The following PCDH11X variants were observed in gnomAD, a reference collection of about 807,000 sequenced individuals.
The protein encoded by PCDH11X is protocadherin-11 X-linked.
PCDH11X carries 18 observed loss-of-function variants against 53.3 expected under a neutral mutation model. The ratio of observed to expected loss-of-function variants is 0.34; its 90% CI spans 0.23 to 0.50. The LOEUF (loss-of-function observed/expected upper bound fraction) is 0.50, where lower values mean the gene tolerates loss of function less well. Ranked by LOEUF, PCDH11X falls within the 20% of genes least tolerant of loss-of-function variation. The pLI is 0.98. For missense variants in PCDH11X, 570 were observed against 1,032.4 expected, an observed-to-expected ratio of 0.55 and a Z score of 6.14; for synonymous variants, 279 against 393.3, an observed-to-expected ratio of 0.71 and a Z score of 3.44.
At chrX:92,475,197 T>G (rs1301707542) in intron 10 of PCDH11X, among the ~76,000 whole-genome samples, 1 of 76,444 alleles carries the variant, frequency 1.3e-5, no homozygotes, top group Non-Finnish European at 2.4e-5. Context: ...AAAAAAAGAA[T>G]AGTTTACACA....
intron 6 of PCDH11X, among the ~76,000 whole-genome samples, chrX:92,124,175 A>G (rs1423088643): frequency 9.0e-6 from 1 of 111,027 alleles, no homozygotes; most frequent in African/African-American, 3.3e-5. Context: ...TGTGTCACAT[A>G]TTATAATTAA....
rs1170892808 is a variant in PCDH11X, at chrX:91,877,973, A to G, written c.1733A>G (p.Tyr578Cys). 4 of 1,209,695 alleles carry G rather than the reference A, an allele frequency of 3.3e-6. No individual in the cohort carries two copies. The highest frequency in any genetic ancestry group is 3.5e-5 in the African/African-American group (2 of 57,066). ...PVFTHNEYNF[Y>C]VPENLPRHGT... ...TTCACTCACAATGAATACAACTTCT[A>G]TGTCCCAGAAAACCTTCCAAGGCAT... The change falls in exon 6 of 11, where the codon TAT (tyrosine) becomes TGT (cysteine). Residue 578 changes from tyrosine to cysteine, a missense_variant. Coordinates refer to ENST00000682573, the MANE Select transcript of PCDH11X (RefSeq NM_032968.5).
intron 6 of PCDH11X, among the ~76,000 whole-genome samples, chrX:92,092,705 TA>T (rs2064068657): frequency 9.0e-6 from 1 of 111,495 alleles, no homozygotes; most frequent in Non-Finnish European, 1.9e-5. Flanking sequence ...AGCTAAGGGG[TA>T]TCTTCGAACA....
rs1222482324 is a variant in PCDH11X, at chrX:91,819,584, G to T, written c.-45+8289G>T. Among the ~76,000 whole-genome samples the T allele has an allele frequency of 1.1e-4, 12 of 108,729 alleles. No homozygotes were observed. In the Admixed American group the frequency reaches 1.2e-3, roughly 11 times the overall value. 94.4% of individuals were successfully genotyped at this position (108,729 alleles called of 115,157 possible). On this transcript the variant is annotated intron_variant, in intron 4 of 10. Transcript: ENST00000682573. ...GTAGTCATATATTCTTGGAGGAAAA[G>T]GTTTAAAACAAAAGAATTGGTGACC...
At chrX:92,563,554 A>G (rs1275966015) in intron 10 of PCDH11X, among the ~76,000 whole-genome samples, 1 of 111,695 alleles carries the variant, frequency 9.0e-6, no homozygotes, top group African/African-American at 3.3e-5. Context: ...TCACATATTT[A>G]AAGTACTGAA....
intron 10 of PCDH11X, among the ~76,000 whole-genome samples, chrX:92,575,345 TTTG>T (rs1332797243): frequency 1.8e-5 from 2 of 110,422 alleles, no homozygotes; most frequent in East Asian, 5.7e-4. Flanking sequence ...CCTTTCAGGA[TTTG>T]TTTTTAATTT....
At chrX:92,516,559 A>G (rs1339653151) in intron 10 of PCDH11X, among the ~76,000 whole-genome samples, 1 of 112,397 alleles carries the variant, frequency 8.9e-6, no homozygotes. Flanking sequence ...CTAGTAAAAA[A>G]TCAAATCCCA....
At chrX:91,869,977 G>A (rs1204450905) in intron 5 of PCDH11X, among the ~76,000 whole-genome samples, 1 of 111,712 alleles carries the variant, frequency 9.0e-6, no homozygotes, top group Non-Finnish European at 1.9e-5. Flanking sequence ...TTCCTCCTAG[G>A]ATGTTTACAG....
intron 10 of PCDH11X, among the ~76,000 whole-genome samples, chrX:92,507,134 G>A: frequency 9.1e-6 from 1 of 109,997 alleles, no homozygotes. Flanking sequence ...AGTCTAGCTA[G>A]TAATCCTTCA....
intron 8 of PCDH11X, among the ~76,000 whole-genome samples, chrX:92,263,829 CTAGT>C (rs975461078): frequency 8.9e-6 from 1 of 112,219 alleles, no homozygotes; most frequent in Non-Finnish European, 1.9e-5. Flanking sequence ...AATAACTTCA[CTAGT>C]TAAACTGTAC....
chrX:92,148,104 TTC>T (rs1491060547), intron 6 of PCDH11X, among the ~76,000 whole-genome samples: 25 of 21,313 alleles, frequency 1.2e-3, no homozygotes, highest in Non-Finnish European at 1.9e-3. Context: ...CTTTCTTTCT[TTC>T]TTTCTTTCTT....
At chrX:92,083,072 C>A (rs1206305331) in intron 6 of PCDH11X, among the ~76,000 whole-genome samples, 4 of 111,205 alleles carry the variant, frequency 3.6e-5, no homozygotes, top group Non-Finnish European at 7.5e-5. Context: ...GGTTGACAGC[C>A]TAGATCCTAT....
At chrX:92,292,593 T>C (rs980087011) in intron 8 of PCDH11X, among the ~76,000 whole-genome samples, 6 of 110,664 alleles carry the variant, frequency 5.4e-5, no homozygotes, top group Non-Finnish European at 1.1e-4. Flanking sequence ...AGAAGGAAAA[T>C]AAGAAAAGTC....
intron 5 of PCDH11X, among the ~76,000 whole-genome samples, chrX:91,869,761 T>G (rs1199754033): frequency 9.0e-6 from 1 of 111,201 alleles, no homozygotes; most frequent in African/African-American, 3.3e-5. Context: ...AAGGCCAATT[T>G]GTATTTTAAA....
At chrX:92,501,557 T>A (rs1191097664) in intron 10 of PCDH11X, among the ~76,000 whole-genome samples, 1 of 111,767 alleles carries the variant, frequency 8.9e-6, no homozygotes, top group Admixed American at 9.5e-5. Flanking sequence ...ATCCCTGGGA[T>A]TCAAGGCTGG....
intron 10 of PCDH11X, among the ~76,000 whole-genome samples, chrX:92,500,165 A>T (rs1363720875): frequency 9.0e-6 from 1 of 111,589 alleles, no homozygotes; most frequent in Non-Finnish European, 1.9e-5. Context: ...AAAATGTTTT[A>T]AAGTTATTGC....
At chrX:92,327,011 C>T (rs1329326148) in intron 8 of PCDH11X, among the ~76,000 whole-genome samples, 16 of 108,646 alleles carry the variant, frequency 1.5e-4, no homozygotes, top group Non-Finnish European at 2.3e-4. Context: ...CATGTATATC[C>T]GATATATTGT....
chrX:92,334,636 C>T (rs2069572309), intron 8 of PCDH11X, among the ~76,000 whole-genome samples: 1 of 111,451 alleles, frequency 9.0e-6, no homozygotes, highest in Admixed American at 9.6e-5. Context: ...CATGCCATTA[C>T]AGGAAAAAGT....
At chrX:92,408,545 T>A (rs1266292974) in intron 9 of PCDH11X, among the ~76,000 whole-genome samples, 1 of 95,970 alleles carries the variant, frequency 1.0e-5, no homozygotes, top group Non-Finnish European at 2.1e-5. Context: ...TTATTACTAT[T>A]CTTTAAAGAA....
Sources: allele counts gnomAD v4.1 joint callset (sites outside exome capture counted in the v4.1 genomes callset), GRCh38; gene constraint gnomAD v4.1.1; transcripts MANE v1.5; gene names NCBI Gene and HGNC (gene_info 2026-07-23, HGNC 2026-07-21).